Variants in DNAH9 observed in about 807,000 individuals in gnomAD.
The protein encoded by DNAH9 is dynein axonemal heavy chain 9, also known as DNAH9 variant protein.
Under a neutral mutation model 471.6 loss-of-function variants are expected in DNAH9, and 345 were observed. The ratio of observed to expected loss-of-function variants is 0.73; its 90% confidence interval spans 0.67 to 0.80. DNAH9 has a LOEUF of 0.80. Among genes scored for constraint, DNAH9 ranks in the 30% least tolerant of loss-of-function variants. The pLI, the probability that DNAH9 is intolerant of heterozygous loss-of-function variation, is 0.00. For synonymous variants in DNAH9, 2,093 were observed against 2,123.6 expected, an observed-to-expected ratio of 0.99 and a Z score of 0.40; for missense variants, 5,407 against 5,609.2, an observed-to-expected ratio of 0.96 and a Z score of 1.15.
At chr17:11,839,237 C>T (rs1257623899) in intron 49 of DNAH9, among the ~76,000 whole-genome samples, 4 of 152,198 alleles carry the variant, frequency 2.6e-5, no homozygotes, top group African/African-American at 9.7e-5. Context: ...AACTCAAGGG[C>T]TGGGCACGGT....
intron 49 of DNAH9, among the ~76,000 whole-genome samples, chr17:11,843,855 G>GTATA (rs1329330705): frequency 1.2e-3 from 11 of 9,238 alleles, no homozygotes; most frequent in Non-Finnish European, 2.0e-3. Context: ...GTGTGTGTGT[G>GTATA]TGTGTGTGTA....
chr17:11,745,354 C>T (rs1476161508), intron 31 of DNAH9, among the ~76,000 whole-genome samples: 1 of 152,178 alleles, frequency 6.6e-6, no homozygotes, highest in Non-Finnish European at 1.5e-5. Context: ...ACTATCTGCT[C>T]ACTCACCCAT....
intron 48 of DNAH9, among the ~76,000 whole-genome samples, chr17:11,823,922 T>G (rs1260525446): frequency 1.4e-5 from 2 of 144,746 alleles, no homozygotes; most frequent in African/African-American, 5.4e-5. Flanking sequence ...AGAGTGAGAC[T>G]CCATCTCAAA....
At chr17:11,742,635 G>A (rs2075449192) in intron 30 of DNAH9, among the ~76,000 whole-genome samples, 1 of 152,184 alleles carries the variant, frequency 6.6e-6, no homozygotes, top group Non-Finnish European at 1.5e-5. Flanking sequence ...ACCTGAAGGG[G>A]CATAGATGAG....
chr17:11,754,538 G>A (rs1011413702), intron 33 of DNAH9, among the ~76,000 whole-genome samples: 1 of 152,108 alleles, frequency 6.6e-6, no homozygotes, highest in African/African-American at 2.4e-5. Flanking sequence ...GGTGTGAGAT[G>A]GAATCTCATT....
intron 49 of DNAH9, among the ~76,000 whole-genome samples, chr17:11,850,367 G>A (rs777542470): frequency 4.5e-4 from 68 of 152,228 alleles, no homozygotes; most frequent in Non-Finnish European, 8.8e-4. Flanking sequence ...GTTTCTCCCA[G>A]GCTAGGCATG....
intron 26 of DNAH9, among the ~76,000 whole-genome samples, chr17:11,713,900 G>A (rs944421705): frequency 5.3e-5 from 8 of 152,094 alleles, no homozygotes; most frequent in Non-Finnish European, 1.2e-4. Context: ...TAGTTACTAG[G>A]CATGCTATAA....
At chr17:11,803,278 A>G (rs1432544062) in intron 43 of DNAH9, among the ~76,000 whole-genome samples, 1 of 151,874 alleles carries the variant, frequency 6.6e-6, no homozygotes, top group Non-Finnish European at 1.5e-5. Flanking sequence ...TCCCACATAT[A>G]TTTTCTTCTC....
At position 11,866,870 on chromosome 17, in the gene DNAH9, G is replaced by A. The variant is rs150295420; in HGVS notation, c.9934-2264G>A. Among the ~76,000 whole-genome samples, 1,318 of 152,344 alleles carry A rather than the reference G, an allele frequency of 8.7e-3. 18 individuals are homozygous for A. Among genetic ancestry groups the A allele is most frequent in the African/African-American group, 0.03 (1,252 of 41,584 alleles). ...TGGTGCACTGTTTTTTAAGGCCATC[G>A]GAAAAGGGCAGTATTCGGGTGGGAG... On this transcript the variant is annotated intron_variant, in intron 50 of 68. Coordinates refer to ENST00000262442, the MANE Select transcript of DNAH9 (RefSeq NM_001372.4).
chr17:11,714,477 A>C (rs1272411904), intron 26 of DNAH9, among the ~76,000 whole-genome samples: 1 of 152,174 alleles, frequency 6.6e-6, no homozygotes, highest in Non-Finnish European at 1.5e-5. Flanking sequence ...TGTTGCATTC[A>C]TGGTCACTCC....
intron 67 of DNAH9, among the ~76,000 whole-genome samples, chr17:11,949,577 G>A (rs1052262974): frequency 6.6e-6 from 1 of 151,950 alleles, no homozygotes; most frequent in African/African-American, 2.4e-5. Flanking sequence ...TACTTCCCAG[G>A]TTCAAGCAAT....
At chr17:11,636,414 A>T (rs2073167348) in intron 8 of DNAH9, among the ~76,000 whole-genome samples, 1 of 152,212 alleles carries the variant, frequency 6.6e-6, no homozygotes, top group Admixed American at 6.6e-5. Context: ...GGGGGTGAGT[A>T]ACTCGGCAGA....
chr17:11,640,364 C>T lies in DNAH9; in HGVS notation c.1881C>T (p.Asn627=). The change falls in exon 10 of 69, where the codon AAC becomes AAT. Residue 627 remains asparagine (N), a synonymous_variant. Transcript: ENST00000262442. ...AGCGCATCCAGGGTCCTTTCAGCAA[C>T]TTTGGACGCATCACACACCCGTGAG... ...LRQRIQGPFS[N]FGRITHPCME... The T allele has an allele frequency of 6.2e-7, 1 of 1,612,678 alleles. No homozygotes were observed. Among genetic ancestry groups the T allele is most frequent in the Non-Finnish European group, 8.5e-7 (1 of 1,178,700 alleles).
chr17:11,897,981 G>A (rs914071062), intron 59 of DNAH9, among the ~76,000 whole-genome samples: 36 of 152,230 alleles, frequency 2.4e-4, no homozygotes, highest in African/African-American at 7.9e-4. Context: ...CTTCCTTGCC[G>A]CCTCCAGCTT....
Position 11,883,730 on chromosome 17 carries a change from G to A in DNAH9, c.10951G>A (p.Ala3651Thr), listed in dbSNP as rs201003863. ...VENLEITKQTAAEVEKKVQEA... is the reference protein window; with the variant it reads ...VENLEITKQTTAEVEKKVQEA... Reference sequence around the variant, plus strand: ...AAACCTAGAGATCACCAAGCAGACTGCTGCCGAAGTTGAGAAAAAGGTAAA... The same window carrying A: ...AAACCTAGAGATCACCAAGCAGACTACTGCCGAAGTTGAGAAAAAGGTAAA... The change falls in exon 56 of 69, where the codon GCT (alanine) becomes ACT (threonine). Residue 3651 changes from alanine (A) to threonine (T), a missense_variant. Physicochemically the swap from Ala to Thr is moderately conservative, Grantham distance 58. Around this residue, in one of 3 missense-constraint regions of DNAH9, gnomAD observed 4,636 missense variants for 4,900.3 expected, o/e 0.95. Coordinates refer to ENST00000262442, the MANE Select transcript of DNAH9 (RefSeq NM_001372.4). 15 of 1,613,952 alleles carry A rather than the reference G, an allele frequency of 9.3e-6. No homozygotes were observed. The East Asian group carries it at 2.9e-4, about 31-fold the overall frequency.
At chr17:11,815,749 A>G (rs1249269886) in intron 45 of DNAH9, among the ~76,000 whole-genome samples, 6 of 152,206 alleles carry the variant, frequency 3.9e-5, no homozygotes, top group Non-Finnish European at 8.8e-5. Context: ...TGATTGTGCC[A>G]TTGCAATCCA....
intron 52 of DNAH9, among the ~76,000 whole-genome samples, chr17:11,872,552 G>A (rs1397430702): frequency 6.6e-6 from 1 of 152,150 alleles, no homozygotes; most frequent in African/African-American, 2.4e-5. Flanking sequence ...CTATACAGGA[G>A]GCACACAAAA....
In DNAH9 at chr17:11,888,159, T is replaced by G. The variant is rs576838101; in HGVS notation, c.11112+1194T>G. Among the ~76,000 whole-genome samples, 28 of 152,120 alleles carry G rather than the reference T, an allele frequency of 1.8e-4. No individual in the cohort carries two copies. In the South Asian group the frequency reaches 3.5e-3, roughly 19 times the overall value. ...CACCGCACCTGGCTAATTTTTTTTGTATTTTTAGTAGAGACGGGGTTTCAC... is the reference window on the plus strand; with the variant it reads ...CACCGCACCTGGCTAATTTTTTTTGGATTTTTAGTAGAGACGGGGTTTCAC... On this transcript the variant is annotated intron_variant, in intron 57 of 68. Transcript: ENST00000262442.
At chr17:11,665,862 A>G (rs1363435041) in intron 15 of DNAH9, among the ~76,000 whole-genome samples, 1 of 152,242 alleles carries the variant, frequency 6.6e-6, no homozygotes, top group Non-Finnish European at 1.5e-5. Flanking sequence ...CAGTGTCCAG[A>G]TATCCAGCCC....
Sources: allele counts gnomAD v4.1 joint callset (sites outside exome capture counted in the v4.1 genomes callset), GRCh38; gene constraint gnomAD v4.1.1; regional missense constraint gnomAD v4.1.1; transcripts MANE v1.5; gene names NCBI Gene and HGNC (gene_info 2026-07-23, HGNC 2026-07-21).